Variants in PHKA2 observed in about 807,000 individuals in gnomAD.
The protein encoded by PHKA2 is phosphorylase b kinase regulatory subunit alpha, liver isoform.
In PHKA2, 31 loss-of-function variants were observed where a neutral mutation model predicts 102.0. That is an observed-to-expected ratio of 0.30 (90% CI 0.23 to 0.41). The LOEUF (loss-of-function observed/expected upper bound fraction) is 0.41, where lower values mean the gene tolerates loss of function less well. Ranked by LOEUF, PHKA2 falls within the 10% of genes least tolerant of loss-of-function variation. The probability of loss-of-function intolerance (pLI) is 1.00; values close to 1 mark genes in which losing one functional copy is unlikely to be tolerated. For synonymous variants in PHKA2, 455 were observed against 416.2 expected (o/e 1.09, Z -1.13); for missense variants, 858 against 1,023.1 (o/e 0.84, Z 2.20).
intron 8 of PHKA2, 121 bp from the exon 9 acceptor site, chrX:18,940,169 T>G: frequency 1.8e-6 from 1 of 545,820 alleles, no homozygotes; most frequent in Non-Finnish European, 3.3e-6. Flanking sequence ...CAAGTGTTCT[T>G]TGCTGTCAGT....
Position 18,951,206 on chromosome X carries a change from T to C in PHKA2, c.352A>G (p.Thr118Ala), listed in dbSNP as rs2147987438. Residue 118 changes from threonine to alanine, a missense_variant, in exon 4 of 33, where the codon ACC becomes GCC. Around this residue, in one of 2 missense-constraint regions of PHKA2, gnomAD observed 187 missense variants for 277.9 expected, o/e 0.67. Transcript: ENST00000379942. ...CCCACCACCGTGCCACAGGTGGCGG[T>C]GTTGTACTTGGCGTGCAGGCTGTCC... ...TKDSLHAKYN[T>A]ATCGTVVGDD... 1 of 1,210,303 alleles carries C rather than the reference T, an allele frequency of 8.3e-7. No homozygotes were observed. The highest frequency in any genetic ancestry group is 1.1e-6 in the Non-Finnish European group (1 of 894,403).
In PHKA2 at chrX:18,894,435, T is replaced by TGA. The variant is rs2047495027; in HGVS notation, c.3337-33_3337-32dup. The TGA allele has an allele frequency of 8.0e-6, 9 of 1,127,064 alleles. No individual in the cohort carries two copies. The East Asian group carries it at 2.7e-4, about 34-fold the overall frequency. 92.9% of individuals were successfully genotyped at this position (1,127,064 alleles called of 1,213,427 possible). Reference sequence around the variant, plus strand: ...AAAGGGACAGGCAGGCAACCACCAGTGAGAGGACAGATGCAGCCCTATCAA... The same window carrying TGA: ...AAAGGGACAGGCAGGCAACCACCAGTGAGAGAGGACAGATGCAGCCCTATCAA... On this transcript the variant is annotated intron_variant, in intron 31 of 32. Coordinates refer to ENST00000379942, the MANE Select transcript of PHKA2 (RefSeq NM_000292.3).
intron 5 of PHKA2, among the ~76,000 whole-genome samples, chrX:18,948,146 G>A (rs1342735401): frequency 9.0e-6 from 1 of 111,400 alleles, no homozygotes; most frequent in Admixed American, 9.6e-5. Flanking sequence ...AATAACCTAT[G>A]GAAATAAAAA....
intron 19 of PHKA2, among the ~76,000 whole-genome samples, chrX:18,916,528 T>TG (rs770260703): frequency 5.3e-5 from 6 of 112,223 alleles, no homozygotes; most frequent in Admixed American, 2.8e-4. Context: ...AGGTGGGGCC[T>TG]GGTGGGAGGT....
intron 19 of PHKA2, among the ~76,000 whole-genome samples, chrX:18,911,198 A>C (rs2047920100): frequency 1.1e-5 from 1 of 89,331 alleles, no homozygotes; most frequent in African/African-American, 4.4e-5. Flanking sequence ...TTTGAGACAG[A>C]GTTTCCCTCT....
intron 1 of PHKA2, among the ~76,000 whole-genome samples, chrX:18,963,167 C>T (rs1373507196): frequency 8.9e-6 from 1 of 112,856 alleles, no homozygotes; most frequent in Non-Finnish European, 1.9e-5. Flanking sequence ...ATTTCCCCTG[C>T]TCTGCCCAGT....
chrX:18,919,248 T>C (rs1031736541), intron 18 of PHKA2, among the ~76,000 whole-genome samples: 1 of 111,696 alleles, frequency 9.0e-6, no homozygotes, highest in African/African-American at 3.3e-5. Context: ...AACTACTATC[T>C]AAAAGTGAAA....
In PHKA2 at chrX:18,906,786, G is replaced by A. The variant is rs2047822916; in HGVS notation, c.2626C>T (p.Leu876Phe). 1 of 1,211,061 alleles carries A rather than the reference G, an allele frequency of 8.3e-7. No homozygotes were observed. The highest frequency in any genetic ancestry group is 3.0e-5 in the East Asian group (1 of 33,840). ...TCCTGCCCACTGGCCTCGTAGATGA[G>A]TTTTGTGAGCTCCTCTGGGGGAAGG... ...APLPPEELTK[L>F]IYEASGQDIS... is the part of the protein sequence containing the mutation. The change falls in exon 24 of 33, where the codon CTC becomes TTC. Residue 876 changes from leucine (L) to phenylalanine (F), a missense_variant. Leu to Phe is a conservative substitution (Grantham distance 22, BLOSUM62 0). This residue lies in a region of PHKA2 where 671 missense variants were observed against 745.2 expected (regional missense o/e 0.90). Transcript: ENST00000379942.
At chrX:18,909,495 G>T (rs933759614) in intron 20 of PHKA2, among the ~76,000 whole-genome samples, 1 of 112,123 alleles carries the variant, frequency 8.9e-6, no homozygotes, top group Non-Finnish European at 1.9e-5. Context: ...CTCCTAGGGC[G>T]TGAAAATAGC....
chrX:18,907,154 C>T (rs751274472), intron 22 of PHKA2, 57 bp from the exon 23 acceptor site: 105 of 865,209 alleles, frequency 1.2e-4, no homozygotes, highest in Non-Finnish European at 1.6e-4. Flanking sequence ...CTGGCAAAGA[C>T]GACAGACAGG....
At chrX:18,943,674 T>C (rs1300932094) in intron 7 of PHKA2, 36 bp downstream of exon 7, 1 of 1,065,443 alleles carries the variant, frequency 9.4e-7, no homozygotes, top group South Asian at 1.9e-5. Context: ...GCCAGGACTC[T>C]CCTTCCCTGC....
chrX:18,925,688 T>C lies in PHKA2; in HGVS notation c.1549A>G (p.Ile517Val). Reference protein sequence around the residue: ...TSKLYVIRNQIFTFTPQFTDQ... With the variant: ...TSKLYVIRNQVFTFTPQFTDQ... ...CTCACCTGGGGTGTAAAAGTAAAGA[T>C]TTGGTTCCTAATCACATATAGTTTA... Residue 517 changes from isoleucine (I) to valine (V), a missense_variant, in exon 15 of 33, where the codon ATC (isoleucine) becomes GTC (valine). Around this residue, in one of 2 missense-constraint regions of PHKA2, gnomAD observed 671 missense variants for 745.2 expected, o/e 0.90. Coordinates refer to ENST00000379942, the MANE Select transcript of PHKA2 (RefSeq NM_000292.3). The C allele has an allele frequency of 1.7e-6, 2 of 1,179,689 alleles. No individual in the cohort carries two copies. The highest frequency in any genetic ancestry group is 2.3e-6 in the Non-Finnish European group (2 of 866,197).
chrX:18,941,377 C>G, intron 8 of PHKA2, 152 bp downstream of exon 8: 2 of 564,023 alleles, frequency 3.5e-6, no homozygotes, highest in Non-Finnish European at 6.1e-6. Flanking sequence ...CACTCGGAGA[C>G]TTTGTTTTCT....
At chrX:18,969,122 A>G (rs1294916893) in intron 1 of PHKA2, among the ~76,000 whole-genome samples, 2 of 110,350 alleles carry the variant, frequency 1.8e-5, no homozygotes, top group Admixed American at 1.9e-4. Context: ...TATTTAAAAA[A>G]AAAAAAAAAA....
Position 18,924,030 on chromosome X carries a change from T to C in PHKA2, c.1793+26A>G, listed in dbSNP as rs1487134476. 5 of 1,068,300 alleles carry C rather than the reference T, an allele frequency of 4.7e-6. No homozygotes were observed. In the African/African-American group the frequency reaches 5.5e-5, roughly 12 times the overall value. The allele number at this position is 1,068,300 out of a possible 1,213,427, so 88.0% of individuals were successfully genotyped here. A position where few individuals can be genotyped will look rare whatever the true frequency, so the allele number is the denominator to read the frequency against. On this transcript the variant is annotated intron_variant, in intron 17 of 32. Transcript: ENST00000379942. ...TTAAGAAAGGTCAGTGCTACTCTTA[T>C]ATTTTTTAAAAAAATCACAAATTAC...
Position 18,893,427 on chromosome X carries a change from A to C in PHKA2, c.*58T>G, listed in dbSNP as rs1569285899. 6 of 1,120,554 alleles carry C rather than the reference A, an allele frequency of 5.4e-6. No individual in the cohort carries two copies. In the Admixed American group the frequency reaches 6.6e-5, roughly 12 times the overall value. 92.3% of individuals were successfully genotyped at this position (1,120,554 alleles called of 1,213,427 possible). ...GGATCTTGGGGGACAGAAGGTTCCC[A>C]GTAAGGCTAGGGGGCACGTGACAGA... On this transcript the variant is annotated 3_prime_UTR_variant, in exon 33 of 33. Coordinates refer to ENST00000379942, the MANE Select transcript of PHKA2 (RefSeq NM_000292.3).
intron 1 of PHKA2, among the ~76,000 whole-genome samples, chrX:18,964,530 A>T (rs922022957): frequency 6.2e-5 from 7 of 112,088 alleles, no homozygotes; most frequent in African/African-American, 1.9e-4. Flanking sequence ...TCTTACCACC[A>T]CTCTCCATTG....
chrX:18,915,963 C>T (rs777767653), intron 19 of PHKA2, among the ~76,000 whole-genome samples: 1 of 111,808 alleles, frequency 8.9e-6, no homozygotes, highest in South Asian at 3.7e-4. Context: ...GACTGAAAAA[C>T]AAATTTCCAG....
chrX:18,971,143 TTTTG>T (rs1232263407), intron 1 of PHKA2, among the ~76,000 whole-genome samples: 1 of 112,391 alleles, frequency 8.9e-6, no homozygotes, highest in Non-Finnish European at 1.9e-5. Context: ...GAAATTTGGG[TTTTG>T]TTTGTCATAG....
Sources: allele counts gnomAD v4.1 joint callset (sites outside exome capture counted in the v4.1 genomes callset), GRCh38; gene constraint gnomAD v4.1.1; regional missense constraint gnomAD v4.1.1; transcripts MANE v1.5; gene names NCBI Gene and HGNC (gene_info 2026-07-23, HGNC 2026-07-21).